NPAS3: variants seen among roughly 807,000 people sequenced by gnomAD.
NPAS3 encodes neuronal PAS domain-containing protein 3.
NPAS3 carries 14 observed loss-of-function variants against 73.1 expected under a neutral mutation model. That is an observed-to-expected ratio of 0.19 (90% CI 0.13 to 0.30). The LOEUF (loss-of-function observed/expected upper bound fraction) is 0.30, where lower values mean the gene tolerates loss of function less well. Among genes scored for constraint, NPAS3 ranks in the 10% least tolerant of loss-of-function variants. NPAS3 has a pLI of 1.00. For synonymous variants in NPAS3, 620 were observed against 541.5 expected (o/e 1.14, Z -2.01); for missense variants, 1,096 against 1,250.0 (o/e 0.88, Z 1.86).
At chr14:32,938,461 G>A (rs1359741812), upstream of NPAS3, among the ~76,000 whole-genome samples, 3 of 88,660 alleles carry the variant, frequency 3.4e-5, no homozygotes, top group African/African-American at 1.1e-4. Context: ...ACGAGAAAGA[G>A]AGAGAGAGAG....
chr14:33,494,178 G>A (rs138712403), intron 4 of NPAS3, among the ~76,000 whole-genome samples: 12 of 152,042 alleles, frequency 7.9e-5, no homozygotes, highest in Non-Finnish European at 1.3e-4. Flanking sequence ...AGCCCAGCTC[G>A]GTGCCAGGGC....
At chr14:33,775,119 T>C (rs1192760426) in intron 8 of NPAS3, among the ~76,000 whole-genome samples, 1 of 152,210 alleles carries the variant, frequency 6.6e-6, no homozygotes, top group Non-Finnish European at 1.5e-5. Context: ...AAGGACTTTT[T>C]AGCCTCTGGT....
intron 7 of NPAS3, among the ~76,000 whole-genome samples, chr14:33,743,871 A>G (rs537192229): frequency 3.5e-4 from 54 of 152,298 alleles, no homozygotes; most frequent in Non-Finnish European, 6.0e-4. Context: ...AACCTCATGA[A>G]TCAGCCTCTG....
At chr14:33,384,421 T>TAA (rs771634862) in intron 4 of NPAS3, among the ~76,000 whole-genome samples, 10 of 146,410 alleles carry the variant, frequency 6.8e-5, no homozygotes, top group African/African-American at 2.5e-4. Flanking sequence ...TGTGTTTTTT[T>TAA]AAAAAAAAAA....
chr14:33,427,244 T>C (rs925730216), intron 4 of NPAS3, among the ~76,000 whole-genome samples: 2 of 152,036 alleles, frequency 1.3e-5, no homozygotes, highest in Admixed American at 1.3e-4. Context: ...CTTATATGCA[T>C]GCAAAGTAGC....
chr14:33,668,901 T>C (rs2059533182), intron 5 of NPAS3, among the ~76,000 whole-genome samples: 1 of 152,162 alleles, frequency 6.6e-6, no homozygotes, highest in Non-Finnish European at 1.5e-5. Context: ...TTCTTATTCA[T>C]GCAATCAAAG....
intron 1 of NPAS3, among the ~76,000 whole-genome samples, chr14:33,020,181 A>G (rs2039541731): frequency 1.3e-5 from 2 of 152,256 alleles, no homozygotes; most frequent in Admixed American, 6.5e-5. Context: ...TTCAGATACC[A>G]AAGAGATGCC....
In NPAS3 at chr14:33,365,201, CAA is replaced by C. The variant is rs371230319; in HGVS notation, c.386-1965_386-1964del. ...CAAAAGCCACCCACCCCCATAATCT[CAA>C]AAAAAAAAAAAAAAAAAAAGGCTGC... is the stretch of plus-strand genomic sequence containing the variant. On this transcript the variant is annotated intron_variant, in intron 3 of 11. Transcript: ENST00000356141. 3.3e-4 allele frequency among the ~76,000 whole-genome samples: 15 copies of C among 45,072 alleles called. No individual in the cohort carries two copies. The Admixed American group carries it at 5.2e-3, about 16-fold the overall frequency. 29.6% of individuals were successfully genotyped at this position (45,072 alleles called of 152,430 possible).
intron 2 of NPAS3, among the ~76,000 whole-genome samples, chr14:33,143,416 G>T (rs566227272): frequency 6.6e-6 from 1 of 152,004 alleles, no homozygotes; most frequent in East Asian, 1.9e-4. Flanking sequence ...GCTTGGTCCC[G>T]GGAGGCAGAG....
chr14:33,083,268 G>A (rs1006753619), intron 2 of NPAS3, among the ~76,000 whole-genome samples: 1 of 146,602 alleles, frequency 6.8e-6, no homozygotes, highest in African/African-American at 2.5e-5. Context: ...GAGACAAACA[G>A]CTTATGCAAT....
chr14:33,022,608 TGAGCCGA>T (rs2039643958), intron 1 of NPAS3, among the ~76,000 whole-genome samples: 1 of 135,318 alleles, frequency 7.4e-6, no homozygotes, highest in African/African-American at 2.8e-5. Flanking sequence ...GAGCCTGCAG[TGAGCCGA>T]GATCGCGCCA....
chr14:33,623,269 C>G (rs1422740068), intron 5 of NPAS3, among the ~76,000 whole-genome samples: 1 of 152,178 alleles, frequency 6.6e-6, no homozygotes, highest in Admixed American at 6.5e-5. Flanking sequence ...GTACAATGGA[C>G]AGTGGATGAC....
chr14:33,698,240 A>T (rs889260930), intron 6 of NPAS3, among the ~76,000 whole-genome samples: 1 of 152,264 alleles, frequency 6.6e-6, no homozygotes. Flanking sequence ...CAAGAGACAT[A>T]CAACATATGA....
chr14:33,486,108 A>G (rs116260025), intron 4 of NPAS3, among the ~76,000 whole-genome samples: 2,175 of 151,858 alleles, frequency 0.014, 58 homozygotes, highest in African/African-American at 0.05. Context: ...GCACTGTTAT[A>G]CTAATGTAAA....
At chr14:33,760,932 CAGG>C (rs1413916384) in intron 7 of NPAS3, among the ~76,000 whole-genome samples, 3 of 152,152 alleles carry the variant, frequency 2.0e-5, no homozygotes, top group Admixed American at 6.5e-5. Flanking sequence ...TGCAAAACTG[CAGG>C]AGAACAGCAT....
In NPAS3 at chr14:32,997,595, C is replaced by T. The variant is rs557823317; in HGVS notation, c.50+58229C>T. Among the ~76,000 whole-genome samples, 306 of 152,130 alleles carry T rather than the reference C, an allele frequency of 2.0e-3. 2 individuals are homozygous for T. Among genetic ancestry groups the T allele is most frequent in the Non-Finnish European group, 3.6e-3 (247 of 68,020 alleles). On this transcript the variant is annotated intron_variant, in intron 1 of 11. Coordinates refer to ENST00000356141, the Ensembl canonical transcript of NPAS3. ...GGTTTTAAAAACGGGAGTTTCTCTG[C>T]ACAAGCTCTCTCTTTTCCTGCTGCC... is the stretch of plus-strand genomic sequence containing the variant.
chr14:33,388,096 C>T (rs1294646465), intron 4 of NPAS3, among the ~76,000 whole-genome samples: 1 of 152,032 alleles, frequency 6.6e-6, no homozygotes, highest in African/African-American at 2.4e-5. Context: ...GATGGATAGA[C>T]ACACCCCAGG....
chr14:33,074,927 G>A (rs953849211), intron 2 of NPAS3, among the ~76,000 whole-genome samples: 2 of 152,118 alleles, frequency 1.3e-5, no homozygotes, highest in African/African-American at 2.4e-5. Context: ...TCCATTAGAT[G>A]ATACAGAGGA....
intron 6 of NPAS3, among the ~76,000 whole-genome samples, chr14:33,699,331 T>C (rs1429909764): frequency 1.3e-5 from 2 of 152,204 alleles, no homozygotes; most frequent in African/African-American, 2.4e-5. Flanking sequence ...CGGTGGATCC[T>C]TTTGTGATGA....
Sources: allele counts gnomAD v4.1 joint callset (sites outside exome capture counted in the v4.1 genomes callset), GRCh38; gene constraint gnomAD v4.1.1; transcripts MANE v1.5; gene names NCBI Gene and HGNC (gene_info 2026-07-23, HGNC 2026-07-21).